The following MYO3B variants were observed in gnomAD, a reference collection of about 807,000 sequenced individuals.
The protein encoded by MYO3B is myosin IIIB, also known as myosin-IIIb.
Under a neutral mutation model 174.6 loss-of-function variants are expected in MYO3B, and 156 were observed. The ratio of observed to expected loss-of-function variants is 0.89; its 90% CI spans 0.78 to 1.02. MYO3B has a LOEUF of 1.02. Ranked by LOEUF, MYO3B falls within the 50% of genes least tolerant of loss-of-function variation. The probability of loss-of-function intolerance (pLI) is 0.00; values close to 1 mark genes in which losing one functional copy is unlikely to be tolerated. For missense variants in MYO3B, 1,632 were observed against 1,639.4 expected, an observed-to-expected ratio of 1.00 and a Z score of 0.08; for synonymous variants, 563 against 569.1, an observed-to-expected ratio of 0.99 and a Z score of 0.15.
Position 170,653,728 on chromosome 2 carries a change from C to CAAAT in MYO3B, c.*610_*613dup, listed in dbSNP as rs959876335. 2 of 152,346 alleles carry CAAAT rather than the reference C, an allele frequency of 1.3e-5. No individual in the cohort carries two copies. The highest frequency in any genetic ancestry group is 2.4e-5 in the African/African-American group (1 of 41,572). The allele number at this position is 152,346 out of a possible 1,614,324, so 9.4% of individuals were successfully genotyped here. A position where few individuals can be genotyped will look rare whatever the true frequency, so the allele number is the denominator to read the frequency against. ...AATCTTTCAGATTCTTTCTACAAGG[C>CAAAT]AAATAACCCCTCTCTTGTTAATTAT... On this transcript the variant is annotated 3_prime_UTR_variant, in exon 35 of 35. Coordinates refer to ENST00000408978, the MANE Select transcript of MYO3B (RefSeq NM_138995.5).
In MYO3B at chr2:170,386,370, G is replaced by T. The variant is rs780035234; in HGVS notation, c.1374+98G>T. 1.9e-4 allele frequency: 179 copies of T among 966,886 alleles called. 1 individual carries two copies. Among genetic ancestry groups the T allele is most frequent in the Middle Eastern group, 6.3e-4 (3 of 4,758 alleles). The allele number at this position is 966,886 out of a possible 1,614,324, so 59.9% of individuals were successfully genotyped here. On this transcript the variant is annotated intron_variant, in intron 13 of 34. Coordinates refer to ENST00000408978, the MANE Select transcript of MYO3B (RefSeq NM_138995.5). ...GAAGTGCTGGGTTTTTTTTATTAAG[G>T]CTTACATAAAGACATTCCATCTTTG...
chr2:170,576,769 C>T (rs1182752958), intron 32 of MYO3B, among the ~76,000 whole-genome samples: 1 of 152,194 alleles, frequency 6.6e-6, no homozygotes, highest in East Asian at 1.9e-4. Flanking sequence ...ATTCCTTACT[C>T]TATGATCTCT....
chr2:170,268,950 A>C (rs748665529), intron 7 of MYO3B, among the ~76,000 whole-genome samples: 1 of 152,220 alleles, frequency 6.6e-6, no homozygotes, highest in Admixed American at 6.5e-5. Flanking sequence ...AATGTGAAAT[A>C]AAACAATGGG....
intron 9 of MYO3B, among the ~76,000 whole-genome samples, chr2:170,372,113 T>TG (rs1400013738): frequency 1.8e-5 from 1 of 56,554 alleles, no homozygotes; most frequent in Non-Finnish European, 2.7e-5. Context: ...AGTGAGACCC[T>TG]GTCTCAAAAA....
At chr2:170,612,986 G>A (rs554315954) in intron 32 of MYO3B, among the ~76,000 whole-genome samples, 2 of 152,166 alleles carry the variant, frequency 1.3e-5, no homozygotes, top group Non-Finnish European at 2.9e-5. Context: ...CGGAGCACTG[G>A]GACCAGGGGC....
intron 32 of MYO3B, among the ~76,000 whole-genome samples, chr2:170,562,856 T>C (rs1691805846): frequency 1.3e-5 from 2 of 152,184 alleles, no homozygotes; most frequent in Non-Finnish European, 2.9e-5. Context: ...CTAAAAGTGT[T>C]TTCCTGTCTG....
chr2:170,459,790 G>C (rs1392604351), intron 23 of MYO3B, among the ~76,000 whole-genome samples: 1 of 152,194 alleles, frequency 6.6e-6, no homozygotes, highest in Non-Finnish European at 1.5e-5. Context: ...ACGGGGAAGT[G>C]GCTGAGGCCT....
rs1222724768 is a variant in MYO3B, at chr2:170,649,176, A to G, written c.3734-2452A>G. 8.9e-4 allele frequency among the ~76,000 whole-genome samples: 65 copies of G among 72,846 alleles called. 5 individuals are homozygous for G. Among genetic ancestry groups the G allele is most frequent in the Middle Eastern group, 0.015 (1 of 66 alleles). 47.8% of individuals were successfully genotyped at this position (72,846 alleles called of 152,430 possible). A position where few individuals can be genotyped will look rare whatever the true frequency, so the allele number is the denominator to read the frequency against. On this transcript the variant is annotated intron_variant, in intron 32 of 34. Coordinates refer to ENST00000408978, the MANE Select transcript of MYO3B (RefSeq NM_138995.5). ...TATATAAAATAATATATAATATATT[A>G]TATATAAAATAATATATATTATATA...
intron 29 of MYO3B, among the ~76,000 whole-genome samples, chr2:170,515,944 G>A (rs1688275356): frequency 6.6e-6 from 1 of 152,112 alleles, no homozygotes; most frequent in South Asian, 2.1e-4. Context: ...TGAACTTGAG[G>A]AGACTTGGGG....
chr2:170,544,424 T>C (rs569503558), intron 32 of MYO3B, among the ~76,000 whole-genome samples: 27 of 152,334 alleles, frequency 1.8e-4, no homozygotes, highest in African/African-American at 6.5e-4. Flanking sequence ...CACAACTCTT[T>C]CTGGCTCGTT....
intron 32 of MYO3B, among the ~76,000 whole-genome samples, chr2:170,618,006 G>A (rs576711199): frequency 1.3e-5 from 2 of 152,226 alleles, no homozygotes; most frequent in South Asian, 2.1e-4. Flanking sequence ...TTTAATGAGA[G>A]CCCTGATATC....
chr2:170,249,221 G>A (rs1229187686), intron 7 of MYO3B, among the ~76,000 whole-genome samples: 1 of 152,168 alleles, frequency 6.6e-6, no homozygotes, highest in African/African-American at 2.4e-5. Context: ...TCTGCTTGTG[G>A]CCAGAGCCTC....
At chr2:170,226,841 C>T (rs1006332984) in intron 6 of MYO3B, among the ~76,000 whole-genome samples, 2 of 152,168 alleles carry the variant, frequency 1.3e-5, no homozygotes, top group African/African-American at 2.4e-5. Flanking sequence ...TAAGGCTGTC[C>T]TCACTCCTCT....
At chr2:170,442,111 C>A (rs2094805091) in intron 22 of MYO3B, among the ~76,000 whole-genome samples, 1 of 152,022 alleles carries the variant, frequency 6.6e-6, no homozygotes, top group South Asian at 2.1e-4. Context: ...TTTTTGTGGA[C>A]ATATATTTTT....
At chr2:170,616,556 C>CTTCT (rs1695474965) in intron 32 of MYO3B, among the ~76,000 whole-genome samples, 1 of 152,198 alleles carries the variant, frequency 6.6e-6, no homozygotes, top group African/African-American at 2.4e-5. Context: ...GGTCTCCTTA[C>CTTCT]ATCTCCCCCT....
intron 32 of MYO3B, among the ~76,000 whole-genome samples, chr2:170,621,237 A>G (rs1221729974): frequency 6.6e-6 from 1 of 152,166 alleles, no homozygotes; most frequent in Admixed American, 6.5e-5. Context: ...CAGTTGTCAC[A>G]TATGTATAGA....
intron 32 of MYO3B, among the ~76,000 whole-genome samples, chr2:170,557,503 T>G (rs562421383): frequency 6.6e-6 from 1 of 152,332 alleles, no homozygotes; most frequent in Admixed American, 6.5e-5. Flanking sequence ...TTTGTTGGTT[T>G]AAATTTCAGA....
At chr2:170,198,386 T>C (rs1228133092) in intron 1 of MYO3B, among the ~76,000 whole-genome samples, 2 of 152,204 alleles carry the variant, frequency 1.3e-5, no homozygotes, top group East Asian at 3.8e-4. Flanking sequence ...ATGAGAAAGA[T>C]CACAGAGCTT....
intron 8 of MYO3B, among the ~76,000 whole-genome samples, chr2:170,353,766 A>C (rs1181559781): frequency 6.6e-6 from 1 of 152,324 alleles, no homozygotes; most frequent in South Asian, 2.1e-4. Flanking sequence ...TCTGCATGCT[A>C]CTTTTCTAAC....
Sources: gnomAD v4.1 joint callset for allele counts (sites outside exome capture counted in the v4.1 genomes callset) on GRCh38, gnomAD v4.1.1 for gene constraint, MANE v1.5 for transcripts, NCBI Gene and HGNC (gene_info 2026-07-23, HGNC 2026-07-21) for gene names.